Variants in GTF2I observed in about 807,000 individuals in gnomAD.
The protein encoded by GTF2I is general transcription factor IIi.
Under a neutral mutation model 67.6 loss-of-function variants are expected in GTF2I, and 12 were observed. The observed-to-expected ratio is 0.18, with a 90% confidence interval of 0.11 to 0.29. The LOEUF is 0.29. Ranked by LOEUF, GTF2I falls within the 10% of genes least tolerant of loss-of-function variation. The probability of loss-of-function intolerance (pLI) is 1.00; values close to 1 mark genes in which losing one functional copy is unlikely to be tolerated. For synonymous variants in GTF2I, 149 were observed against 197.0 expected (o/e 0.76, Z 2.04); for missense variants, 271 against 580.1 (o/e 0.47, Z 5.47).
In GTF2I at chr7:74,700,362, G is replaced by A; in HGVS notation, c.489G>A (p.Glu163=). ...AAGGTGTTGCCTTTAAACACCCCGA[G>A]AACTATGATCTTGCAACCCTGAAAT... ...LPEGVAFKHP[E]NYDLATLKWI... The change falls in exon 5 of 35, where the codon GAG becomes GAA. Residue 163 remains glutamate, a synonymous_variant. Coordinates refer to ENST00000573035, the MANE Select transcript of GTF2I (RefSeq NM_032999.4). 6.2e-7 allele frequency: 1 copy of A among 1,614,118 alleles called. No individual in the cohort carries two copies. The highest frequency in any genetic ancestry group is 1.1e-5 in the South Asian group (1 of 91,082).
At chr7:74,668,695 A>T (rs4717904) in intron 1 of GTF2I, among the ~76,000 whole-genome samples, 1 of 151,576 alleles carries the variant, frequency 6.6e-6, no homozygotes, top group Non-Finnish European at 1.5e-5. Flanking sequence ...TGCCTCAGCC[A>T]CCTGAGTAGC....
intron 1 of GTF2I, among the ~76,000 whole-genome samples, chr7:74,687,992 G>GTT (rs1319588678): frequency 2.0e-4 from 31 of 152,174 alleles, no homozygotes; most frequent in Non-Finnish European, 4.1e-4. Context: ...CCTTTTTAGT[G>GTT]TTTCAGTTTT....
At chr7:74,678,273 AC>A (rs1339040430) in intron 1 of GTF2I, among the ~76,000 whole-genome samples, 1 of 149,258 alleles carries the variant, frequency 6.7e-6, no homozygotes, top group East Asian at 2.0e-4. Flanking sequence ...AGAATTGAAT[AC>A]CATTACCTGT....
chr7:74,711,995 G>A (rs1238824609), intron 9 of GTF2I, among the ~76,000 whole-genome samples: 1 of 149,412 alleles, frequency 6.7e-6, no homozygotes, highest in Admixed American at 6.7e-5. Context: ...TGTTGCCCAG[G>A]CTGGAGTGCA....
chr7:74,699,155 G>A, intron 4 of GTF2I, 60 bp downstream of exon 4: 4 of 913,790 alleles, frequency 4.4e-6, no homozygotes, highest in South Asian at 5.4e-5. Context: ...TTTTCTAAAG[G>A]GAAGCTTATG....
intron 2 of GTF2I, among the ~76,000 whole-genome samples, chr7:74,690,465 A>G (rs1298036093): frequency 3.9e-5 from 6 of 152,214 alleles, no homozygotes; most frequent in African/African-American, 1.4e-4. Context: ...GGCTGTGTGT[A>G]CACAGGGGAA....
chr7:74,661,602 C>G (rs1394027169), intron 1 of GTF2I, among the ~76,000 whole-genome samples: 1 of 151,970 alleles, frequency 6.6e-6, no homozygotes, highest in Admixed American at 6.6e-5. Context: ...ATCTCTTGAA[C>G]CCAGGAGGTG....
rs200397726 is a variant in GTF2I, at chr7:74,714,841, T to C, written c.764-16T>C. 1.3e-6 allele frequency: 2 copies of C among 1,583,518 alleles called. No homozygotes were observed. The highest frequency in any genetic ancestry group is 1.4e-5 in the African/African-American group (1 of 73,894). ...GGGGGGGATTACTTTTGAAGTATTA[T>C]CTTTGTATCCCAAAGCAGGCCCTTC... On this transcript the variant is annotated splice_polypyrimidine_tract_variant and intron_variant, in intron 9 of 34. Coordinates refer to ENST00000573035, the MANE Select transcript of GTF2I (RefSeq NM_032999.4).
Position 74,689,245 on chromosome 7 carries a change from A to G in GTF2I, c.99+18A>G, listed in dbSNP as rs947141278. 2.2e-6 allele frequency: 3 copies of G among 1,367,316 alleles called. No individual in the cohort carries two copies. Among genetic ancestry groups the G allele is most frequent in the South Asian group, 1.2e-5 (1 of 85,992 alleles). The allele number at this position is 1,367,316 out of a possible 1,614,324, so 84.7% of individuals were successfully genotyped here. On this transcript the variant is annotated intron_variant, in intron 2 of 34. Transcript: ENST00000573035. ...AGTCCATGGTGAGGCCTTCTGTTCC[A>G]TCATTCCATAGTTGGGTAGGCCTGC...
chr7:74,724,812 T>C (rs1554405364), intron 12 of GTF2I, among the ~76,000 whole-genome samples: 5 of 151,986 alleles, frequency 3.3e-5, no homozygotes, highest in African/African-American at 1.2e-4. Context: ...TCCCAGCTAC[T>C]CTGGAGGCTG....
rs1804171938 is a variant in GTF2I at position 74,658,680 on chromosome 7, C to T, written c.-6+612C>T. On this transcript the variant is annotated intron_variant, in intron 1 of 34. Transcript: ENST00000573035. ...GGCGGGGGAGCGGGAGCGCTGTCCC[C>T]CGCCCCGCCCCGCTCCCAGGTGGAG... is the stretch of plus-strand genomic sequence containing the variant. Among the ~76,000 whole-genome samples, 3 of 150,452 alleles carry T rather than the reference C, an allele frequency of 2.0e-5. No individual in the cohort carries two copies. In the South Asian group the frequency reaches 6.3e-4, roughly 31 times the overall value.
chr7:74,661,160 C>A (rs1804452437), intron 1 of GTF2I, among the ~76,000 whole-genome samples: 1 of 152,166 alleles, frequency 6.6e-6, no homozygotes, highest in African/African-American at 2.4e-5. Flanking sequence ...ACCACCGCGC[C>A]TGGGCGTCCC....
At chr7:74,676,577 A>G (rs1046904360) in intron 1 of GTF2I, among the ~76,000 whole-genome samples, 10 of 152,214 alleles carry the variant, frequency 6.6e-5, no homozygotes, top group Non-Finnish European at 1.0e-4. Flanking sequence ...TGTGAACCAC[A>G]TGTCTAGAAA....
At chr7:74,686,946 G>A (rs868948522) in intron 1 of GTF2I, among the ~76,000 whole-genome samples, 1 of 150,846 alleles carries the variant, frequency 6.6e-6, no homozygotes, top group Non-Finnish European at 1.5e-5. Context: ...TTGGAGTGCT[G>A]TGGCGTGATT....
chr7:74,658,428 G>C (rs1183546278), intron 1 of GTF2I, among the ~76,000 whole-genome samples: 2 of 145,060 alleles, frequency 1.4e-5, no homozygotes, highest in Admixed American at 1.4e-4. Flanking sequence ...GGCGCCTCGC[G>C]CGTGCGATCC....
intron 1 of GTF2I, among the ~76,000 whole-genome samples, chr7:74,686,206 T>G (rs936395060): frequency 1.3e-5 from 2 of 151,592 alleles, no homozygotes; most frequent in Admixed American, 1.3e-4. Context: ...AAAGTGGGGG[T>G]GGTGGTTTGC....
chr7:74,701,235 A>G (rs1041838031), intron 6 of GTF2I, among the ~76,000 whole-genome samples: 2 of 152,202 alleles, frequency 1.3e-5, no homozygotes, highest in South Asian at 2.1e-4. Context: ...GGAAAACAGG[A>G]TAAAGAGTAA....
At chr7:74,682,772 A>G (rs1281152315) in intron 1 of GTF2I, among the ~76,000 whole-genome samples, 7 of 152,362 alleles carry the variant, frequency 4.6e-5, no homozygotes, top group Middle Eastern at 3.4e-3. Context: ...ATCAGAGACT[A>G]TAAAATAACT....
intron 12 of GTF2I, among the ~76,000 whole-genome samples, chr7:74,724,318 T>C (rs1793484993): frequency 1.3e-5 from 2 of 152,204 alleles, no homozygotes; most frequent in African/African-American, 4.8e-5. Flanking sequence ...TTTTTAACTT[T>C]GAATAGATGT....
Sources: allele counts gnomAD v4.1 joint callset (sites outside exome capture counted in the v4.1 genomes callset), GRCh38; gene constraint gnomAD v4.1.1; transcripts MANE v1.5; gene names NCBI Gene and HGNC (gene_info 2026-07-23, HGNC 2026-07-21).